TNR: variants seen among roughly 807,000 people sequenced by gnomAD.
TNR encodes the protein tenascin-R.
In TNR, 45 loss-of-function variants were observed where a neutral mutation model predicts 150.4. The ratio of observed to expected loss-of-function variants is 0.30; its 90% confidence interval spans 0.24 to 0.38. TNR has a LOEUF of 0.38. Ranked by LOEUF, TNR falls within the 10% of genes least tolerant of loss-of-function variation. The probability of loss-of-function intolerance (pLI) is 1.00; values close to 1 mark genes in which losing one functional copy is unlikely to be tolerated. For synonymous variants in TNR, 687 were observed against 678.4 expected, an observed-to-expected ratio of 1.01 and a Z score of -0.20; for missense variants, 1,544 against 1,759.1, an observed-to-expected ratio of 0.88 and a Z score of 2.19.
At chr1:175,687,197 T>A (rs991946286) in intron 1 of TNR, among the ~76,000 whole-genome samples, 5 of 152,120 alleles carry the variant, frequency 3.3e-5, no homozygotes, top group African/African-American at 1.2e-4. Flanking sequence ...CTGGTGCCTG[T>A]CCTGCCTCCC....
At chr1:175,712,864 T>C (rs1217675863) in intron 1 of TNR, among the ~76,000 whole-genome samples, 2 of 152,242 alleles carry the variant, frequency 1.3e-5, no homozygotes, top group East Asian at 1.9e-4. Context: ...CTCTTTTCTT[T>C]ATAAATTACC....
rs901640727 is a variant in TNR, at chr1:175,467,714, G to C, written c.-64+60555C>G. ...TATCACAGGGCACAGAGGGCATGAG[G>C]TCAGGGAAGAGGAAAAGGAAATACG... On this transcript the variant is annotated intron_variant, in intron 2 of 22. Coordinates refer to ENST00000367674, the MANE Select transcript of TNR (RefSeq NM_003285.3). 4.7e-4 allele frequency among the ~76,000 whole-genome samples: 72 copies of C among 152,288 alleles called. 1 individual carries two copies. Among genetic ancestry groups the C allele is most frequent in the Middle Eastern group, 3.4e-3 (1 of 294 alleles).
chr1:175,554,339 CAAAAA>C (rs5778860), intron 1 of TNR, among the ~76,000 whole-genome samples: 10 of 115,122 alleles, frequency 8.7e-5, no homozygotes, highest in South Asian at 3.0e-4. Flanking sequence ...TCCTACATGG[CAAAAA>C]AAAAAAAAAA....
intron 2 of TNR, among the ~76,000 whole-genome samples, chr1:175,477,562 C>T (rs1012944202): frequency 6.6e-6 from 1 of 152,088 alleles, no homozygotes; most frequent in Non-Finnish European, 1.5e-5. Flanking sequence ...GGCTCCCTGC[C>T]CTGTGGAGTG....
chr1:175,504,081 G>C (rs1294747754), intron 2 of TNR, among the ~76,000 whole-genome samples: 1 of 152,144 alleles, frequency 6.6e-6, no homozygotes, highest in Non-Finnish European at 1.5e-5. Flanking sequence ...ATTCACACTT[G>C]TTTTGCCAAT....
chr1:175,739,518 GCACA>G (rs139764283), intron 1 of TNR, among the ~76,000 whole-genome samples: 3 of 150,828 alleles, frequency 2.0e-5, no homozygotes, highest in South Asian at 2.1e-4. Context: ...ACACACGCAC[GCACA>G]CACACACACA....
intron 2 of TNR, among the ~76,000 whole-genome samples, chr1:175,427,547 G>A (rs1376063944): frequency 6.6e-6 from 1 of 152,064 alleles, no homozygotes; most frequent in Non-Finnish European, 1.5e-5. Context: ...TGTTGGGCAG[G>A]GTAGCTTTAG....
intron 2 of TNR, among the ~76,000 whole-genome samples, chr1:175,425,523 T>C (rs1490729637): frequency 2.0e-5 from 3 of 152,190 alleles, no homozygotes; most frequent in East Asian, 3.8e-4. Flanking sequence ...GTGTATGATA[T>C]GACTCTCCTG....
intron 2 of TNR, among the ~76,000 whole-genome samples, chr1:175,472,612 T>C (rs1292480044): frequency 6.6e-6 from 1 of 152,240 alleles, no homozygotes; most frequent in Non-Finnish European, 1.5e-5. Flanking sequence ...AGTTCTCTTA[T>C]AATCGTATGG....
At chr1:175,660,389 C>T (rs73033385) in intron 1 of TNR, among the ~76,000 whole-genome samples, 2,063 of 152,254 alleles carry the variant, frequency 0.014, 41 homozygotes, top group African/African-American at 0.047. Context: ...CTGGGCCCTG[C>T]GAGAAGGTCA....
intron 8 of TNR, 99 bp from the exon 9 acceptor site, chr1:175,379,836 C>A (rs376510979): frequency 8.8e-5 from 117 of 1,324,776 alleles, no homozygotes; most frequent in African/African-American, 1.5e-4. Flanking sequence ...ACAGCCCACA[C>A]CCCCTGACCC....
Position 175,599,321 on chromosome 1 carries a change from C to G in TNR, c.-164-70952G>C, listed in dbSNP as rs1663134596. Among the ~76,000 whole-genome samples, 1 of 152,202 alleles carries G rather than the reference C, an allele frequency of 6.6e-6. No individual in the cohort carries two copies. The highest frequency in any genetic ancestry group is 1.5e-5 in the Non-Finnish European group (1 of 68,024). On this transcript the variant is annotated intron_variant, in intron 1 of 22. Coordinates refer to ENST00000367674, the MANE Select transcript of TNR (RefSeq NM_003285.3). The surrounding 1 kb of genome is among the most constrained non-coding windows in gnomAD (Gnocchi z 4.7). ...GGCGGAGACATCGCAGCAACGCTAA[C>G]GGGGCAGACCGCATAGGGGCCCTGA...
At chr1:175,444,914 G>A (rs1173890655) in intron 2 of TNR, among the ~76,000 whole-genome samples, 1 of 152,224 alleles carries the variant, frequency 6.6e-6, no homozygotes, top group Non-Finnish European at 1.5e-5. Flanking sequence ...CCTGAGTGGG[G>A]AGCGAATCTG....
intron 1 of TNR, among the ~76,000 whole-genome samples, chr1:175,594,682 C>T (rs61650970): frequency 0.01 from 1,559 of 151,804 alleles, 24 homozygotes; most frequent in African/African-American, 0.036. Flanking sequence ...CAGCAAATCC[C>T]CATCTCTACA....
chr1:175,425,464 T>A (rs1654928881), intron 2 of TNR, among the ~76,000 whole-genome samples: 1 of 152,220 alleles, frequency 6.6e-6, no homozygotes, highest in Non-Finnish European at 1.5e-5. Flanking sequence ...GATAGTGTTT[T>A]CTGAGGTGCC....
Position 175,663,500 on chromosome 1 carries a change from C to T in TNR, c.-165+79726G>A, listed in dbSNP as rs576313381. ...GGGGATAAATGGCTTGTTAGCAGCA[C>T]GCACAGAAAACACACAAGGATTTTT... On this transcript the variant is annotated intron_variant, in intron 1 of 22. Coordinates refer to ENST00000367674, the MANE Select transcript of TNR (RefSeq NM_003285.3). Among the ~76,000 whole-genome samples the T allele has an allele frequency of 1.7e-4, 26 of 152,280 alleles. 1 individual carries two copies. In the South Asian group the frequency reaches 3.7e-3, roughly 22 times the overall value.
At chr1:175,446,245 G>A (rs577499095) in intron 2 of TNR, among the ~76,000 whole-genome samples, 1 of 152,310 alleles carries the variant, frequency 6.6e-6, no homozygotes, top group East Asian at 1.9e-4. Flanking sequence ...AGAGCCTGAT[G>A]CTTGTACTCA....
chr1:175,511,190 C>A (rs1293335249), intron 2 of TNR, among the ~76,000 whole-genome samples: 2 of 152,134 alleles, frequency 1.3e-5, no homozygotes, highest in Admixed American at 6.5e-5. Context: ...GTGCAGTAAA[C>A]ATATAATAAA....
At chr1:175,617,439 C>T (rs956194916) in intron 1 of TNR, among the ~76,000 whole-genome samples, 3 of 152,316 alleles carry the variant, frequency 2.0e-5, no homozygotes, top group South Asian at 2.1e-4. Context: ...TCGGCACTGG[C>T]TCCAGTCAGC....
Sources: gnomAD v4.1 joint callset for allele counts (sites outside exome capture counted in the v4.1 genomes callset) on GRCh38, gnomAD v4.1.1 for gene constraint, Gnocchi (gnomAD v3.1) non-coding constraint, MANE v1.5 for transcripts, NCBI Gene and HGNC (gene_info 2026-07-23, HGNC 2026-07-21) for gene names.